Variants in CCDC141 observed in about 807,000 individuals in gnomAD.
CCDC141 encodes the protein coiled-coil domain-containing protein 141.
In CCDC141, 168 loss-of-function variants were observed where a neutral mutation model predicts 181.0. The observed-to-expected ratio is 0.93, with a 90% CI of 0.82 to 1.05. The LOEUF (loss-of-function observed/expected upper bound fraction) is 1.05. Ranked by LOEUF, CCDC141 falls within the 50% of genes least tolerant of loss-of-function variation. CCDC141 has a pLI of 0.00. For missense variants in CCDC141, 1,902 were observed against 1,788.5 expected, an observed-to-expected ratio of 1.06 and a Z score of -1.14; for synonymous variants, 666 against 642.3, an observed-to-expected ratio of 1.04 and a Z score of -0.56.
intron 6 of CCDC141, among the ~76,000 whole-genome samples, chr2:178,929,487 T>A (rs1250513536): frequency 3.3e-5 from 5 of 152,182 alleles, no homozygotes; most frequent in African/African-American, 9.6e-5. Context: ...ACGAGACGTA[T>A]AAGTAGCTCC....
chr2:178,887,043 C>T (rs574424943), intron 9 of CCDC141, among the ~76,000 whole-genome samples, 172 bp from the exon 10 acceptor site: 39 of 152,236 alleles, frequency 2.6e-4, no homozygotes, highest in African/African-American at 7.7e-4. Flanking sequence ...GTTTTAATAA[C>T]GCTGCTCTTC....
chr2:178,981,119 T>A (rs1165315708), intron 2 of CCDC141, among the ~76,000 whole-genome samples: 1 of 152,148 alleles, frequency 6.6e-6, no homozygotes, highest in African/African-American at 2.4e-5. Flanking sequence ...TTAATAGAAC[T>A]ACATGCAGAA....
chr2:178,968,944 A>G (rs746100141), intron 4 of CCDC141, among the ~76,000 whole-genome samples: 1 of 152,042 alleles, frequency 6.6e-6, no homozygotes, highest in Non-Finnish European at 1.5e-5. Flanking sequence ...ATCAGAGAAT[A>G]CTATAAACAC....
Position 178,834,151 on chromosome 2 carries a change from T to A in CCDC141, c.*22A>T. 1 of 1,529,188 alleles carries A rather than the reference T, an allele frequency of 6.5e-7. No individual in the cohort carries two copies. Among genetic ancestry groups the A allele is most frequent in the Non-Finnish European group, 8.8e-7 (1 of 1,141,048 alleles). 94.7% of individuals were successfully genotyped at this position (1,529,188 alleles called of 1,614,324 possible). On this transcript the variant is annotated 3_prime_UTR_variant, in exon 24 of 24. Coordinates refer to ENST00000443758, the MANE Select transcript of CCDC141 (RefSeq NM_173648.4). The stretch of plus-strand genomic sequence containing the variant: ...TTTCTTTAGGCACATGAGAATGATG[T>A]CCATTGGTGCCAACACCACAGTTAT...
intron 2 of CCDC141, among the ~76,000 whole-genome samples, chr2:179,018,091 T>C (rs776821045): frequency 1.3e-5 from 2 of 152,160 alleles, no homozygotes; most frequent in Non-Finnish European, 2.9e-5. Context: ...CTGCAATACT[T>C]GAAAAATGCA....
chr2:178,942,153 A>G (rs1424671356), intron 6 of CCDC141, among the ~76,000 whole-genome samples: 1 of 152,094 alleles, frequency 6.6e-6, no homozygotes, highest in Non-Finnish European at 1.5e-5. Context: ...AGGACCCTAA[A>G]GGAAGTGCAT....
At chr2:178,978,871 G>A (rs141948464) in intron 2 of CCDC141, among the ~76,000 whole-genome samples, 196 bp from the exon 3 acceptor site, 49 of 152,292 alleles carry the variant, frequency 3.2e-4, no homozygotes, top group African/African-American at 7.2e-4. Context: ...AGGAAGCATG[G>A]CCAGGCTAAG....
At chr2:178,935,727 G>A (rs1458160232) in intron 6 of CCDC141, among the ~76,000 whole-genome samples, 1 of 152,188 alleles carries the variant, frequency 6.6e-6, no homozygotes, top group South Asian at 2.1e-4. Context: ...TATCAATGGT[G>A]TATAAGTGTT....
intron 21 of CCDC141, among the ~76,000 whole-genome samples, chr2:178,846,246 T>A (rs726215): frequency 6.6e-6 from 1 of 152,092 alleles, no homozygotes; most frequent in Non-Finnish European, 1.5e-5. Context: ...CACAGGATGC[T>A]TCATGTGGTT....
In CCDC141 at chr2:178,878,538, C is replaced by T. The variant is rs940791379; in HGVS notation, c.1720-395G>A. ...CTTGCTATGTTGCCCAGGTTGGTCT[C>T]GGACTCCTGGGCTCAAGAGATCCTC... On this transcript the variant is annotated intron_variant, in intron 11 of 23. Coordinates refer to ENST00000443758, the MANE Select transcript of CCDC141 (RefSeq NM_173648.4). Among the ~76,000 whole-genome samples, 6 of 140,802 alleles carry T rather than the reference C, an allele frequency of 4.3e-5. No individual in the cohort carries two copies. The East Asian group carries it at 6.3e-4, about 15-fold the overall frequency. The allele number at this position is 140,802 out of a possible 152,430, so 92.4% of individuals were successfully genotyped here.
At chr2:179,002,473 TC>T in intron 2 of CCDC141, 1 of 408,526 alleles carries the variant, frequency 2.4e-6, no homozygotes, top group Non-Finnish European at 4.9e-6. Context: ...GCTAGCAGAA[TC>T]CACAAACTTT....
At chr2:179,019,073 C>T (rs921760162) in intron 2 of CCDC141, among the ~76,000 whole-genome samples, 2 of 152,114 alleles carry the variant, frequency 1.3e-5, no homozygotes, top group South Asian at 2.1e-4. Flanking sequence ...TGCTTTTTGT[C>T]AGTGTTAATT....
intron 5 of CCDC141, among the ~76,000 whole-genome samples, chr2:178,947,097 G>A (rs1430637395): frequency 6.6e-6 from 1 of 152,166 alleles, no homozygotes; most frequent in Non-Finnish European, 1.5e-5. Context: ...TAGGCTCTCA[G>A]AGTCCTTCTG....
intron 7 of CCDC141, among the ~76,000 whole-genome samples, chr2:178,908,220 G>C (rs1444242636): frequency 6.6e-6 from 1 of 152,128 alleles, no homozygotes; most frequent in Non-Finnish European, 1.5e-5. Flanking sequence ...TTCTGAGACA[G>C]AGTCTCGCTC....
intron 2 of CCDC141, among the ~76,000 whole-genome samples, chr2:179,024,190 C>G (rs1242654804): frequency 6.6e-6 from 1 of 152,232 alleles, no homozygotes; most frequent in African/African-American, 2.4e-5. Context: ...ACCATGTTCT[C>G]TTAGGAGCCC....
rs765014453 is a variant in CCDC141 at position 178,850,171 on chromosome 2, A to T, written c.3245-10T>A. On this transcript the variant is annotated splice_polypyrimidine_tract_variant and intron_variant, in intron 20 of 23. Transcript: ENST00000443758. ...TGTCCTTCTTCCAAACCTGGGGAGG[A>T]GAAGGATGAAACTAGTTTTAAAGGT... 6.8e-7 allele frequency: 1 copy of T among 1,472,294 alleles called. No homozygotes were observed. The highest frequency in any genetic ancestry group is 9.5e-7 in the Non-Finnish European group (1 of 1,055,182). The allele number at this position is 1,472,294 out of a possible 1,614,324, so 91.2% of individuals were successfully genotyped here.
chr2:178,887,031 A>C (rs1011808223), intron 9 of CCDC141, among the ~76,000 whole-genome samples, 160 bp from the exon 10 acceptor site: 2 of 152,226 alleles, frequency 1.3e-5, no homozygotes, highest in Non-Finnish European at 2.9e-5. Context: ...TCAGAATTTC[A>C]TGTTTTAATA....
At position 179,015,117 on chromosome 2, in the gene CCDC141, T is replaced by TA. The variant is rs1491237710; in HGVS notation, c.225+32166_225+32167insT. Among the ~76,000 whole-genome samples, 157 of 18,648 alleles carry TA rather than the reference T, an allele frequency of 8.4e-3. 9 individuals carry two copies. Among genetic ancestry groups the TA allele is most frequent in the Non-Finnish European group, 0.019 (119 of 6,246 alleles). 12.2% of individuals were successfully genotyped at this position (18,648 alleles called of 152,430 possible). On this transcript the variant is annotated intron_variant, in intron 2 of 23. Coordinates refer to ENST00000443758, the MANE Select transcript of CCDC141 (RefSeq NM_173648.4). ...ATATATATATATAATATATATATAA[T>TA]CATATATATATATCATATCATATAT...
chr2:179,044,511 A>T (rs1038249972), intron 2 of CCDC141, among the ~76,000 whole-genome samples: 3 of 152,180 alleles, frequency 2.0e-5, no homozygotes, highest in African/African-American at 7.2e-5. Flanking sequence ...CTAAGAAGGC[A>T]TTTCCCTTCT....
Sources: allele counts gnomAD v4.1 joint callset (sites outside exome capture counted in the v4.1 genomes callset), GRCh38; gene constraint gnomAD v4.1.1; transcripts MANE v1.5; gene names NCBI Gene and HGNC (gene_info 2026-07-23, HGNC 2026-07-21).